The following SUGCT variants were observed in gnomAD, a reference collection of about 807,000 sequenced individuals.
SUGCT encodes succinyl-CoA:glutarate CoA-transferase.
SUGCT carries 41 observed loss-of-function variants against 55.0 expected under a neutral mutation model. The ratio of observed to expected loss-of-function variants is 0.74; its 90% CI spans 0.58 to 0.97. The LOEUF (loss-of-function observed/expected upper bound fraction) is 0.97. Among genes scored for constraint, SUGCT ranks in the 50% least tolerant of loss-of-function variants. The pLI, the probability that SUGCT is intolerant of heterozygous loss-of-function variation, is 0.00. For missense variants in SUGCT, 568 were observed against 547.8 expected (o/e 1.04, Z -0.37); for synonymous variants, 187 against 200.4 (o/e 0.93, Z 0.56).
chr7:40,583,166 G>A lies in SUGCT; in HGVS notation c.1089+86780G>A, dbSNP rs145178839. ...ATGAATTGAATGGGGTGGTACATCC[G>A]TAAAGGAAAATATACTTTAAAGTAT... On this transcript the variant is annotated intron_variant, in intron 12 of 13. Transcript: ENST00000335693. Among the ~76,000 whole-genome samples the A allele has an allele frequency of 1.7e-3, 259 of 152,154 alleles. 2 individuals carry two copies. The highest frequency in any genetic ancestry group is 6.0e-3 in the South Asian group (29 of 4,822).
At chr7:40,355,954 T>C (rs1797867240) in intron 9 of SUGCT, among the ~76,000 whole-genome samples, 1 of 152,272 alleles carries the variant, frequency 6.6e-6, no homozygotes, top group South Asian at 2.1e-4. Context: ...CTCTTGATAT[T>C]TTCCTTTTAC....
At chr7:40,534,878 T>C (rs1171161425) in intron 12 of SUGCT, among the ~76,000 whole-genome samples, 1 of 152,200 alleles carries the variant, frequency 6.6e-6, no homozygotes, top group African/African-American at 2.4e-5. Context: ...TTAACATATG[T>C]TTATAACTTA....
At chr7:40,150,775 C>T (rs1433776527) in intron 1 of SUGCT, among the ~76,000 whole-genome samples, 13 of 152,208 alleles carry the variant, frequency 8.5e-5, no homozygotes, top group Admixed American at 7.9e-4. Flanking sequence ...GCCAGCTCTG[C>T]GTGAATTACT....
At chr7:40,290,350 C>A (rs552881529) in intron 8 of SUGCT, among the ~76,000 whole-genome samples, 1 of 152,226 alleles carries the variant, frequency 6.6e-6, no homozygotes, top group African/African-American at 2.4e-5. Context: ...GAAATAATGC[C>A]ACATATCTAC....
At chr7:40,156,251 C>T (rs1783890684) in intron 1 of SUGCT, among the ~76,000 whole-genome samples, 1 of 152,230 alleles carries the variant, frequency 6.6e-6, no homozygotes, top group Admixed American at 6.5e-5. Flanking sequence ...ATCACGAGGT[C>T]AGGAGATCGA....
the SUGCT span, among the ~76,000 whole-genome samples, chr7:41,028,962 C>T: frequency 1.2e-4 from 18 of 152,258 alleles, no homozygotes; most frequent in African/African-American, 4.3e-4. Flanking sequence ...CTAATATACC[C>T]CCAGAGAAGA....
intron 12 of SUGCT, among the ~76,000 whole-genome samples, chr7:40,660,434 T>G (rs1181169507): frequency 6.6e-6 from 1 of 152,140 alleles, no homozygotes; most frequent in South Asian, 2.1e-4. Context: ...AATTTTTGTA[T>G]TTTTAGTAGA....
At chr7:40,410,423 A>T (rs980402088) in intron 9 of SUGCT, among the ~76,000 whole-genome samples, 2 of 151,918 alleles carry the variant, frequency 1.3e-5, no homozygotes, top group African/African-American at 4.8e-5. Context: ...CAGCTTCCAG[A>T]TTTGTTGTAT....
the SUGCT span, among the ~76,000 whole-genome samples, chr7:40,975,273 CA>C: frequency 1.3e-5 from 2 of 152,174 alleles, no homozygotes; most frequent in Non-Finnish European, 2.9e-5. Context: ...GCGGAAATCT[CA>C]AGGATCATCC....
chr7:40,678,215 A>C (rs923397579), intron 12 of SUGCT, among the ~76,000 whole-genome samples: 2 of 152,170 alleles, frequency 1.3e-5, no homozygotes, highest in Non-Finnish European at 2.9e-5. Flanking sequence ...GGAAGCAAGG[A>C]TCATTGGTTG....
chr7:40,257,999 A>C (rs908620698), intron 7 of SUGCT, among the ~76,000 whole-genome samples: 3 of 152,234 alleles, frequency 2.0e-5, no homozygotes, highest in African/African-American at 7.2e-5. Context: ...CACTTTCTGC[A>C]AACACTGAAC....
chr7:40,946,985 T>A, the SUGCT span, among the ~76,000 whole-genome samples: 1 of 152,216 alleles, frequency 6.6e-6, no homozygotes, highest in Non-Finnish European at 1.5e-5. Context: ...ACTTTTTGGA[T>A]GTGTAGATTA....
chr7:40,957,907 C>A, the SUGCT span, among the ~76,000 whole-genome samples: 1 of 152,106 alleles, frequency 6.6e-6, no homozygotes, highest in African/African-American at 2.4e-5. Flanking sequence ...GATTTTATTT[C>A]TCCTTCACTT....
chr7:40,177,456 C>T (rs1463424682), intron 1 of SUGCT, among the ~76,000 whole-genome samples: 2 of 152,092 alleles, frequency 1.3e-5, no homozygotes, highest in African/African-American at 4.8e-5. Context: ...TGTCCGATTT[C>T]ACAAATCATT....
the SUGCT span, among the ~76,000 whole-genome samples, chr7:40,893,347 A>G: frequency 6.6e-6 from 1 of 152,168 alleles, no homozygotes; most frequent in Admixed American, 6.5e-5. Flanking sequence ...AAACAGATAT[A>G]AAAAGAATAT....
intron 13 of SUGCT, chr7:40,793,087 A>G (rs1790392200): frequency 6.6e-6 from 1 of 152,118 alleles, no homozygotes; most frequent in Non-Finnish European, 1.5e-5. Flanking sequence ...TTTTAAAGCC[A>G]TAATTAGATT....
At chr7:40,500,822 C>G (rs1218680918) in intron 12 of SUGCT, among the ~76,000 whole-genome samples, 1 of 151,888 alleles carries the variant, frequency 6.6e-6, no homozygotes, top group African/African-American at 2.4e-5. Flanking sequence ...GAAGCACCCC[C>G]AAAATACAGT....
In SUGCT at chr7:40,816,323, C is replaced by A. The variant is rs150062333; in HGVS notation, c.1154-43993C>A. ...ATGGCACCCTGCTCTTGGTCCTAGG[C>A]TAGCCTGGGGAAAATGTATTGAGCT... On this transcript the variant is annotated intron_variant, in intron 13 of 13. Transcript: ENST00000335693. 4.5e-4 allele frequency among the ~76,000 whole-genome samples: 68 copies of A among 152,328 alleles called. 3 individuals are homozygous for A. The highest frequency in any genetic ancestry group is 3.9e-3 in the Admixed American group (60 of 15,308).
the SUGCT span, among the ~76,000 whole-genome samples, chr7:40,873,973 C>T: frequency 6.6e-6 from 1 of 152,218 alleles, no homozygotes; most frequent in Non-Finnish European, 1.5e-5. Context: ...AGACTCATAT[C>T]AGCAGAGGCA....
Sources: gnomAD v4.1 joint callset for allele counts (sites outside exome capture counted in the v4.1 genomes callset) on GRCh38, gnomAD v4.1.1 for gene constraint, MANE v1.5 for transcripts, NCBI Gene and HGNC (gene_info 2026-07-23, HGNC 2026-07-21) for gene names.